GOLGA4: variants seen among roughly 807,000 people sequenced by gnomAD.
GOLGA4 encodes the protein golgin subfamily A member 4.
Under a neutral mutation model 265.9 loss-of-function variants are expected in GOLGA4, and 169 were observed. The observed-to-expected ratio is 0.64, with a 90% CI of 0.56 to 0.72. The LOEUF (loss-of-function observed/expected upper bound fraction) is 0.72, where lower values mean the gene tolerates loss of function less well. Among genes scored for constraint, GOLGA4 ranks in the 30% least tolerant of loss-of-function variants. The pLI is 0.00. For synonymous variants in GOLGA4, 923 were observed against 855.8 expected, an observed-to-expected ratio of 1.08 and a Z score of -1.37; for missense variants, 2,482 against 2,483.4, an observed-to-expected ratio of 1.00 and a Z score of 0.01.
intron 2 of GOLGA4, among the ~76,000 whole-genome samples, chr3:37,262,902 G>T (rs1484882002): frequency 1.3e-5 from 2 of 152,108 alleles, no homozygotes; most frequent in East Asian, 3.9e-4. Context: ...TAATGGAGTT[G>T]AAAAAATCCT....
intron 2 of GOLGA4, chr3:37,275,982 C>T (rs895315759): frequency 2.4e-5 from 38 of 1,613,344 alleles, no homozygotes; most frequent in Middle Eastern, 1.7e-4. Flanking sequence ...GCAATTACAT[C>T]GCAGAACAGC....
In GOLGA4 at chr3:37,326,187, A is replaced by G; in HGVS notation, c.4301A>G (p.Gln1434Arg). 2 of 1,613,248 alleles carry G rather than the reference A, an allele frequency of 1.2e-6. No individual in the cohort carries two copies. The highest frequency in any genetic ancestry group is 1.1e-5 in the South Asian group (1 of 91,040). ...LSKEKISALE[Q>R]VDDWSNKFSE... ...AAAGAGAAAATTTCTGCTCTTGAGC[A>G]GGTAGATGACTGGTCCAATAAATTC... is the stretch of plus-strand genomic sequence containing the variant. The change falls in exon 14 of 24, where the codon CAG becomes CGG. Residue 1434 changes from glutamine to arginine, a missense_variant. Physicochemically the swap from Gln to Arg is conservative, Grantham distance 43. This residue lies in a region of GOLGA4 where 942 missense variants were observed against 983.1 expected (regional missense o/e 0.96). Transcript: ENST00000361924.
intron 4 of GOLGA4, among the ~76,000 whole-genome samples, chr3:37,288,606 A>G (rs1310056578): frequency 6.6e-6 from 1 of 151,374 alleles, no homozygotes; most frequent in African/African-American, 2.4e-5. Context: ...CCTCCTGAGT[A>G]GCTGGGACTA....
At position 37,327,371 on chromosome 3, in the gene GOLGA4, C is replaced by T. The variant is rs568688874; in HGVS notation, c.5485C>T (p.Gln1829Ter). 3 of 1,613,758 alleles carry T rather than the reference C, an allele frequency of 1.9e-6. No individual in the cohort carries two copies. Among genetic ancestry groups the T allele is most frequent in the African/African-American group, 2.7e-5 (2 of 74,992 alleles). ...AGGTAAAAATAACATACAGGCAAAG[C>T]AAAACTTGGAAAATGTGTTTGACGA... Reference protein sequence around the residue: ...EGGKNNIQAKQNLENVFDDVQ... With the variant: ...EGGKNNIQAK Residue 1829 changes from glutamine (Q) to a stop codon, truncating the protein, a stop_gained, in exon 14 of 24, where the codon CAA (glutamine) becomes TAA (stop). Coordinates refer to ENST00000361924, the MANE Select transcript of GOLGA4 (RefSeq NM_002078.5). LOFTEE classifies it high-confidence loss of function.
intron 7 of GOLGA4, among the ~76,000 whole-genome samples, chr3:37,298,160 T>C (rs925760424): frequency 6.6e-5 from 10 of 152,162 alleles, no homozygotes; most frequent in Admixed American, 6.6e-4. Context: ...GATAGGGGAA[T>C]TGCAGTAGAG....
chr3:37,318,307 A>G (rs755755316), intron 11 of GOLGA4, among the ~76,000 whole-genome samples: 4 of 152,090 alleles, frequency 2.6e-5, no homozygotes, highest in African/African-American at 4.8e-5. Context: ...TTGGCCTCCC[A>G]AAGTGCTGGG....
At chr3:37,359,264 T>TA (rs1171359997) in intron 22 of GOLGA4, among the ~76,000 whole-genome samples, 8 of 152,192 alleles carry the variant, frequency 5.3e-5, no homozygotes, top group African/African-American at 1.7e-4. Flanking sequence ...ATCTAATTGT[T>TA]AGTGTTTTTA....
intron 2 of GOLGA4, among the ~76,000 whole-genome samples, chr3:37,256,858 C>G (rs1468753355): frequency 1.3e-5 from 2 of 152,104 alleles, no homozygotes; most frequent in African/African-American, 2.4e-5. Context: ...TAGGGTATCA[C>G]TATGTTGCTC....
At chr3:37,361,420 T>C in intron 23 of GOLGA4, 115 bp downstream of exon 23, 1 of 630,266 alleles carries the variant, frequency 1.6e-6, no homozygotes, top group African/African-American at 1.8e-5. Context: ...GATTATGCTA[T>C]GGGTTAATAT....
chr3:37,331,237 C>G (rs1379382558), intron 16 of GOLGA4, among the ~76,000 whole-genome samples: 1 of 151,966 alleles, frequency 6.6e-6, no homozygotes, highest in Non-Finnish European at 1.5e-5. Context: ...TTGAAATTCA[C>G]TGTGTTTTTT....
At chr3:37,269,268 C>T (rs570713060) in intron 2 of GOLGA4, among the ~76,000 whole-genome samples, 3 of 152,282 alleles carry the variant, frequency 2.0e-5, no homozygotes, top group Admixed American at 6.5e-5. Flanking sequence ...GAGGAAGCAA[C>T]TGCATAAGGA....
intron 3 of GOLGA4, among the ~76,000 whole-genome samples, chr3:37,284,299 C>A (rs1296865690): frequency 1.3e-5 from 2 of 152,064 alleles, no homozygotes; most frequent in Non-Finnish European, 1.5e-5. Context: ...GAGTCTCACT[C>A]TGTAGCCCAG....
intron 10 of GOLGA4, among the ~76,000 whole-genome samples, chr3:37,310,718 AGTGTGT>A (rs200337682): frequency 6.6e-6 from 1 of 151,370 alleles, no homozygotes; most frequent in Non-Finnish European, 1.5e-5. Flanking sequence ...GTATTTTTAA[AGTGTGT>A]GTGTGTGTGT....
chr3:37,314,928 T>C (rs149999182), intron 10 of GOLGA4, among the ~76,000 whole-genome samples: 1 of 152,328 alleles, frequency 6.6e-6, no homozygotes, highest in Non-Finnish European at 1.5e-5. Flanking sequence ...TCTTTTATTA[T>C]ATAGTTAAGA....
Position 37,298,925 on chromosome 3 carries a change from C to G in GOLGA4, c.907C>G (p.Gln303Glu). The change falls in exon 8 of 24, where the codon CAG becomes GAG. Residue 303 changes from glutamine (Q) to glutamate (E), a missense_variant. Physicochemically the swap from Gln to Glu is conservative, Grantham distance 29 (BLOSUM62 2). Coordinates refer to ENST00000361924, the MANE Select transcript of GOLGA4 (RefSeq NM_002078.5). ...ACTTAAGCGTTGTAAGGAAACAATT[C>G]AGTCACATAAGGAACAATGTACACT... ...NLLKRCKETIQSHKEQCTLLT... is the reference protein window; with the variant it reads ...NLLKRCKETIESHKEQCTLLT... 1 of 1,612,726 alleles carries G rather than the reference C, an allele frequency of 6.2e-7. No homozygotes were observed. Among genetic ancestry groups the G allele is most frequent in the Non-Finnish European group, 8.5e-7 (1 of 1,178,820 alleles).
chr3:37,276,172 A>G, intron 2 of GOLGA4: 1 of 1,596,838 alleles, frequency 6.3e-7, no homozygotes, highest in Non-Finnish European at 8.6e-7. Context: ...ACTACATTGC[A>G]ATTGGAGCTG....
chr3:37,346,233 C>T (rs557570160), intron 20 of GOLGA4, among the ~76,000 whole-genome samples: 1 of 152,240 alleles, frequency 6.6e-6, no homozygotes, highest in East Asian at 1.9e-4. Context: ...GGCTATTTAA[C>T]ACCTCAGAAT....
chr3:37,299,387 C>G lies in GOLGA4; in HGVS notation c.1086+16C>G, dbSNP rs201378038. The G allele has an allele frequency of 9.6e-4, 1,473 of 1,534,108 alleles. 2 individuals are homozygous for G. Among genetic ancestry groups the G allele is most frequent in the Non-Finnish European group, 1.2e-3 (1,338 of 1,114,868 alleles). On this transcript the variant is annotated intron_variant, in intron 9 of 23. Transcript: ENST00000361924. ...ACAAGATAAGGTAAAACAACAAAAC[C>G]TATGATACTAAAATTTGTCAAGAGG...
At chr3:37,279,272 G>A (rs1344550051) in intron 2 of GOLGA4, among the ~76,000 whole-genome samples, 1 of 152,162 alleles carries the variant, frequency 6.6e-6, no homozygotes, top group Non-Finnish European at 1.5e-5. Flanking sequence ...GAAACTTTTT[G>A]AGTACCCATA....
Sources: gnomAD v4.1 joint callset for allele counts (sites outside exome capture counted in the v4.1 genomes callset) on GRCh38, gnomAD v4.1.1 for gene constraint, gnomAD v4.1.1 regional missense constraint, MANE v1.5 for transcripts, NCBI Gene and HGNC (gene_info 2026-07-23, HGNC 2026-07-21) for gene names.